Variants in ME3 observed in about 807,000 individuals in gnomAD.
The protein encoded by ME3 is malic enzyme 3.
ME3 carries 48 observed loss-of-function variants against 68.9 expected under a neutral mutation model. The observed-to-expected ratio is 0.70, with a 90% confidence interval of 0.55 to 0.89. The LOEUF is 0.89. Ranked by LOEUF, ME3 falls within the 40% of genes least tolerant of loss-of-function variation. The pLI is 0.00. For missense variants in ME3, 675 were observed against 797.4 expected (o/e 0.85, Z 1.85); for synonymous variants, 320 against 318.8 (o/e 1.00, Z -0.04).
chr11:86,672,429 G>A (rs993104917), exon 1 of ME3: 1 of 153,578 alleles, frequency 6.5e-6, no homozygotes, highest in Non-Finnish European at 1.4e-5. Context: ...GACCGCGCTG[G>A]CGGCCGCGAG....
At chr11:86,600,073 T>C (rs1028622479) in intron 2 of ME3, among the ~76,000 whole-genome samples, 1 of 152,176 alleles carries the variant, frequency 6.6e-6, no homozygotes, top group South Asian at 2.1e-4. Flanking sequence ...GCTAACATCA[T>C]AATGACAGGA....
chr11:86,502,770 A>G (rs1428702807), intron 5 of ME3, among the ~76,000 whole-genome samples: 2 of 151,964 alleles, frequency 1.3e-5, no homozygotes, highest in African/African-American at 4.8e-5. Context: ...GGCTCAGGGG[A>G]GGTTTGGGGG....
chr11:86,547,094 C>T (rs150079753), intron 4 of ME3, among the ~76,000 whole-genome samples: 13,608 of 151,648 alleles, frequency 0.09, 805 homozygotes, highest in East Asian at 0.26. Context: ...AAAAATTAGC[C>T]GGGTATGGTG....
chr11:86,501,191 A>ATAATAATAATAATAATAATAC (rs1250178051), intron 5 of ME3, among the ~76,000 whole-genome samples: 12 of 150,644 alleles, frequency 8.0e-5, no homozygotes, highest in African/African-American at 2.9e-4. Flanking sequence ...AATAATAATA[A>ATAATAATAATAATAATAATAC]TAATACTTAA....
At chr11:86,504,407 T>TTTTTTTTTTTTTTTTA (rs1491166256) in intron 5 of ME3, among the ~76,000 whole-genome samples, 7 of 125,562 alleles carry the variant, frequency 5.6e-5, no homozygotes, top group African/African-American at 2.3e-4. Flanking sequence ...TTTTTTTTTT[T>TTTTTTTTTTTTTTTTA]GAGACAGAGT....
At chr11:86,621,575 T>C (rs945040405) in intron 2 of ME3, among the ~76,000 whole-genome samples, 1 of 152,054 alleles carries the variant, frequency 6.6e-6, no homozygotes, top group African/African-American at 2.4e-5. Flanking sequence ...TTCCATTCTT[T>C]TTCTTTCCTT....
chr11:86,600,237 A>G (rs1163397044), intron 2 of ME3, among the ~76,000 whole-genome samples: 4 of 152,230 alleles, frequency 2.6e-5, no homozygotes, highest in African/African-American at 7.2e-5. Context: ...ACATAGGCTC[A>G]AAATAAAAGG....
chr11:86,645,253 C>T (rs1338521348), intron 2 of ME3, among the ~76,000 whole-genome samples: 1 of 152,140 alleles, frequency 6.6e-6, no homozygotes, highest in Non-Finnish European at 1.5e-5. Context: ...GCCAGGGAGC[C>T]AAGTGGTCTA....
intron 2 of ME3, among the ~76,000 whole-genome samples, chr11:86,586,087 T>C (rs544381551): frequency 7.2e-5 from 11 of 152,154 alleles, no homozygotes; most frequent in Non-Finnish European, 1.3e-4. Flanking sequence ...AAACAGCAAA[T>C]GCACAAAACT....
At chr11:86,516,355 C>T (rs966043452) in intron 4 of ME3, among the ~76,000 whole-genome samples, 2 of 118,994 alleles carry the variant, frequency 1.7e-5, no homozygotes, top group Non-Finnish European at 3.8e-5. Flanking sequence ...AATAAAATCT[C>T]TCTCTCTCTC....
chr11:86,544,206 A>C (rs917488226), intron 4 of ME3, among the ~76,000 whole-genome samples: 1 of 152,254 alleles, frequency 6.6e-6, no homozygotes, highest in Non-Finnish European at 1.5e-5. Context: ...AAAGCAGGAA[A>C]GATCTAAAAC....
chr11:86,492,816 G>A (rs893877050), intron 6 of ME3, among the ~76,000 whole-genome samples: 15 of 152,214 alleles, frequency 9.9e-5, no homozygotes, highest in African/African-American at 3.6e-4. Flanking sequence ...ATATCAGTGA[G>A]CACTGGATTT....
chr11:86,651,995 T>C (rs1226122089), intron 2 of ME3, among the ~76,000 whole-genome samples: 1 of 152,116 alleles, frequency 6.6e-6, no homozygotes, highest in Non-Finnish European at 1.5e-5. Context: ...AGGGTATCAG[T>C]GACGGAAGAT....
At chr11:86,586,069 C>T (rs754061375) in intron 2 of ME3, among the ~76,000 whole-genome samples, 12 of 152,234 alleles carry the variant, frequency 7.9e-5, no homozygotes, top group South Asian at 6.2e-4. Context: ...AAAGTTGTGA[C>T]AAAATGGAAA....
At chr11:86,475,874 T>TATATATAGAGAGAGAG in intron 7 of ME3, among the ~76,000 whole-genome samples, 104 of 91,432 alleles carry the variant, frequency 1.1e-3, no homozygotes, top group Middle Eastern at 0.012. Flanking sequence ...TATATATATA[T>TATATATAGAGAGAGAG]AGAGAGAGAG....
chr11:86,618,745 TCTCA>T (rs1301236063), intron 2 of ME3, among the ~76,000 whole-genome samples: 1 of 147,116 alleles, frequency 6.8e-6, no homozygotes, highest in African/African-American at 2.5e-5. Context: ...TGAGACGGAG[TCTCA>T]CTCTGTCACC....
intron 5 of ME3, among the ~76,000 whole-genome samples, chr11:86,507,168 G>T (rs1320642965): frequency 6.6e-6 from 1 of 152,194 alleles, no homozygotes; most frequent in African/African-American, 2.4e-5. Flanking sequence ...GAGGTAGACA[G>T]AAAGAAGCTA....
chr11:86,541,325 A>T (rs905308412), intron 4 of ME3, among the ~76,000 whole-genome samples: 2 of 152,148 alleles, frequency 1.3e-5, no homozygotes, highest in African/African-American at 4.8e-5. Context: ...AAGGGGGCTG[A>T]AGCCAGGGAG....
intron 2 of ME3, among the ~76,000 whole-genome samples, chr11:86,595,668 T>C (rs1357174940): frequency 6.6e-6 from 1 of 152,232 alleles, no homozygotes. Context: ...TGTGGAGAAC[T>C]GGGATCTAGC....
Sources: allele counts gnomAD v4.1 joint callset (sites outside exome capture counted in the v4.1 genomes callset), GRCh38; gene constraint gnomAD v4.1.1; transcripts MANE v1.5; gene names NCBI Gene and HGNC (gene_info 2026-07-23, HGNC 2026-07-21).